The following SORCS2 variants were observed in gnomAD, a reference collection of about 807,000 sequenced individuals.
SORCS2 encodes sortilin related VPS10 domain containing receptor 2.
In SORCS2, 100 loss-of-function variants were observed where a neutral mutation model predicts 141.6. That is an observed-to-expected ratio of 0.71 (90% CI 0.60 to 0.83). The LOEUF (loss-of-function observed/expected upper bound fraction) is 0.83, where lower values mean the gene tolerates loss of function less well. SORCS2 is among the 40% of genes least tolerant of loss of function. SORCS2 has a pLI of 0.00. For missense variants in SORCS2, 1,646 were observed against 1,560.2 expected, an observed-to-expected ratio of 1.05 and a Z score of -0.93; for synonymous variants, 789 against 676.9, an observed-to-expected ratio of 1.17 and a Z score of -2.57.
Position 7,420,730 on chromosome 4 carries a change from G to T in SORCS2, c.548+24375G>T, listed in dbSNP as rs1370308610. Among the ~76,000 whole-genome samples, 3 of 152,144 alleles carry T rather than the reference G, an allele frequency of 2.0e-5. No individual in the cohort carries two copies. The East Asian group carries it at 5.8e-4, about 29-fold the overall frequency. On this transcript the variant is annotated intron_variant, in intron 2 of 26. Transcript: ENST00000507866. The stretch of plus-strand genomic sequence containing the variant: ...CAGTGGCAGTCACATACCTGGAGAG[G>T]ACTCCGTGGGATTCAGGACCCACAC...
At chr4:7,470,507 G>T (rs769253280) in intron 2 of SORCS2, among the ~76,000 whole-genome samples, 1 of 152,224 alleles carries the variant, frequency 6.6e-6, no homozygotes, top group Non-Finnish European at 1.5e-5. Context: ...TAACTGCCAG[G>T]CAAGAGGTTG....
At chr4:7,528,889 C>T (rs749055558) in intron 2 of SORCS2, among the ~76,000 whole-genome samples, 5 of 152,298 alleles carry the variant, frequency 3.3e-5, no homozygotes, top group Non-Finnish European at 7.4e-5. Context: ...CTGCCTCTCT[C>T]CCAGCATCCG....
intron 2 of SORCS2, among the ~76,000 whole-genome samples, chr4:7,428,666 G>A (rs990792109): frequency 4.6e-5 from 7 of 152,186 alleles, no homozygotes; most frequent in Non-Finnish European, 1.0e-4. Context: ...CCTGGGGTGG[G>A]CCTGGGGTGT....
chr4:7,368,301 A>G (rs1237043196), intron 1 of SORCS2, among the ~76,000 whole-genome samples: 3 of 152,236 alleles, frequency 2.0e-5, no homozygotes, highest in East Asian at 1.9e-4. Flanking sequence ...GAAAAAAGCA[A>G]TGTGGCCAAA....
chr4:7,688,777 G>A lies in SORCS2; in HGVS notation c.1489-709G>A, dbSNP rs117591017. On this transcript the variant is annotated intron_variant, in intron 10 of 26. Transcript: ENST00000507866. Reference sequence around the variant, plus strand: ...AAGCCTTTTGGCATCTGTTGGTTCAGTGGGGTCTCTCGTGGTGCACCCAAG... The same window carrying A: ...AAGCCTTTTGGCATCTGTTGGTTCAATGGGGTCTCTCGTGGTGCACCCAAG... 7.9e-5 allele frequency among the ~76,000 whole-genome samples: 12 copies of A among 152,284 alleles called. No homozygotes were observed. In the East Asian group the frequency reaches 1.7e-3, roughly 22 times the overall value.
intron 3 of SORCS2, among the ~76,000 whole-genome samples, chr4:7,619,864 G>A (rs1277160841): frequency 1.3e-5 from 2 of 152,126 alleles, no homozygotes; most frequent in East Asian, 3.9e-4. Flanking sequence ...CGTGTGTGAC[G>A]TGAAACGCCA....
chr4:7,737,192 T>G lies in SORCS2; in HGVS notation c.3415+20T>G. On this transcript the variant is annotated intron_variant, in intron 26 of 26. Transcript: ENST00000507866. The stretch of plus-strand genomic sequence containing the variant: ...TCCAGGGTGAGGAGTTTATAGATGA[T>G]GATCTCGACTCGCAGACTCTAGGTA... 6.4e-7 allele frequency: 1 copy of G among 1,550,626 alleles called. No individual in the cohort carries two copies. Among genetic ancestry groups the G allele is most frequent in the Non-Finnish European group, 8.7e-7 (1 of 1,146,716 alleles).
chr4:7,262,040 G>A (rs1714361204), intron 1 of SORCS2, among the ~76,000 whole-genome samples: 1 of 152,208 alleles, frequency 6.6e-6, no homozygotes, highest in African/African-American at 2.4e-5. Context: ...GGTTCTGGGT[G>A]TGGAAGTGTG....
At chr4:7,407,049 T>C (rs897044849) in intron 2 of SORCS2, among the ~76,000 whole-genome samples, 9 of 152,152 alleles carry the variant, frequency 5.9e-5, no homozygotes, top group Non-Finnish European at 1.3e-4. Flanking sequence ...GAAAAGATAC[T>C]TGATATGATT....
intron 2 of SORCS2, among the ~76,000 whole-genome samples, chr4:7,499,182 A>G (rs953852277): frequency 1.3e-5 from 2 of 151,924 alleles, no homozygotes; most frequent in African/African-American, 4.8e-5. Context: ...ATGTATGTGT[A>G]TGCATGTGTG....
intron 18 of SORCS2, among the ~76,000 whole-genome samples, chr4:7,719,720 G>A (rs1560109671): frequency 6.6e-6 from 1 of 152,162 alleles, no homozygotes; most frequent in Non-Finnish European, 1.5e-5. Flanking sequence ...CCCGTCCGGG[G>A]CCGACTTCCA....
At chr4:7,604,404 G>A (rs190360610) in intron 3 of SORCS2, among the ~76,000 whole-genome samples, 267 of 152,300 alleles carry the variant, frequency 1.8e-3, no homozygotes, top group Admixed American at 3.0e-3. Context: ...TGCAAGCTCC[G>A]CCTCCCGGGT....
chr4:7,690,087 G>A (rs1328013194), intron 11 of SORCS2, among the ~76,000 whole-genome samples: 1 of 141,684 alleles, frequency 7.1e-6, no homozygotes, highest in Non-Finnish European at 1.6e-5. Flanking sequence ...TGGATAGATA[G>A]ATGAATGGAT....
At chr4:7,266,653 C>G (rs1239970540) in intron 1 of SORCS2, among the ~76,000 whole-genome samples, 2 of 152,210 alleles carry the variant, frequency 1.3e-5, no homozygotes, top group African/African-American at 2.4e-5. Context: ...ATGAAGCGGA[C>G]TCAGCCCTGC....
rs368532256 is a variant in SORCS2, at chr4:7,715,327, G to A, written c.2252+16G>A. ...GCAGCCTTGGGTGAGTGTGGGTGCG[G>A]GCCTCTCCCTGCCTAAATCCGGGGG... On this transcript the variant is annotated intron_variant, in intron 17 of 26. Transcript: ENST00000507866. 302 of 1,612,770 alleles carry A rather than the reference G, an allele frequency of 1.9e-4. No homozygotes were observed. The African/African-American group carries it at 3.5e-3, about 19-fold the overall frequency.
intron 2 of SORCS2, among the ~76,000 whole-genome samples, chr4:7,451,286 A>G (rs997053766): frequency 7.2e-5 from 11 of 152,248 alleles, no homozygotes; most frequent in South Asian, 2.1e-4. Context: ...CAGCAGCAGC[A>G]GCAGCAGCGG....
chr4:7,581,093 G>A (rs1716110874), intron 3 of SORCS2, among the ~76,000 whole-genome samples: 2 of 151,342 alleles, frequency 1.3e-5, no homozygotes, highest in Admixed American at 1.3e-4. Context: ...TAGAAAAGGT[G>A]CACCTGAGAA....
At chr4:7,575,063 G>A (rs1035572887) in intron 3 of SORCS2, among the ~76,000 whole-genome samples, 4 of 152,312 alleles carry the variant, frequency 2.6e-5, no homozygotes, top group African/African-American at 9.6e-5. Context: ...TGAAGATCGG[G>A]GGACTGGCGG....
rs574773584 is a variant in SORCS2 at position 7,531,223 on chromosome 4, C to T, written c.549-307C>T. On this transcript the variant is annotated intron_variant, in intron 2 of 26. Transcript: ENST00000507866. ...ATGCATGTGGTAACCTAGAGCTGCC[C>T]GGCTCATAGGAGGCATGGGGGAGGA... is the stretch of plus-strand genomic sequence containing the variant. Among the ~76,000 whole-genome samples, 7 of 152,288 alleles carry T rather than the reference C, an allele frequency of 4.6e-5. No individual in the cohort carries two copies. The East Asian group carries it at 9.6e-4, about 21-fold the overall frequency.
Sources: allele counts gnomAD v4.1 joint callset (sites outside exome capture counted in the v4.1 genomes callset), GRCh38; gene constraint gnomAD v4.1.1; transcripts MANE v1.5; gene names NCBI Gene and HGNC (gene_info 2026-07-23, HGNC 2026-07-21).